The following SNX29 variants were observed in gnomAD, a reference collection of about 807,000 sequenced individuals.
SNX29 encodes sorting nexin 29.
Under a neutral mutation model 102.1 loss-of-function variants are expected in SNX29, and 78 were observed. The observed-to-expected ratio is 0.76, with a 90% CI of 0.64 to 0.92. SNX29 has a LOEUF of 0.92. SNX29 is among the 40% of genes least tolerant of loss of function. The pLI, the probability that SNX29 is intolerant of heterozygous loss-of-function variation, is 0.00. For synonymous variants in SNX29, 580 were observed against 414.5 expected, an observed-to-expected ratio of 1.40 and a Z score of -4.85; for missense variants, 1,280 against 1,061.7, an observed-to-expected ratio of 1.21 and a Z score of -2.86.
At chr16:12,173,609 G>C (rs369493592) in intron 13 of SNX29, among the ~76,000 whole-genome samples, 1 of 152,168 alleles carries the variant, frequency 6.6e-6, no homozygotes, top group African/African-American at 2.4e-5. Context: ...ATCAGGAGAA[G>C]CTTATATCTG....
chr16:12,244,247 C>G (rs1192404623), intron 14 of SNX29, among the ~76,000 whole-genome samples: 1 of 152,168 alleles, frequency 6.6e-6, no homozygotes, highest in Non-Finnish European at 1.5e-5. Context: ...GTTGGAGACC[C>G]CTGCCTTAGG....
chr16:12,364,738 C>G (rs2082411577), intron 16 of SNX29, among the ~76,000 whole-genome samples: 1 of 152,218 alleles, frequency 6.6e-6, no homozygotes, highest in African/African-American at 2.4e-5. Flanking sequence ...TATTTTGGTC[C>G]CACTGGCAAG....
At chr16:12,466,397 C>T (rs923719759) in intron 18 of SNX29, among the ~76,000 whole-genome samples, 1 of 152,094 alleles carries the variant, frequency 6.6e-6, no homozygotes, top group African/African-American at 2.4e-5. Flanking sequence ...TAGAAAAGTC[C>T]CATTTATAAT....
At chr16:12,542,919 G>A (rs1277533079) in intron 20 of SNX29, among the ~76,000 whole-genome samples, 2 of 152,096 alleles carry the variant, frequency 1.3e-5, no homozygotes, top group African/African-American at 2.4e-5. Flanking sequence ...TCTTTGCTTA[G>A]CAAAACTATA....
chr16:12,556,896 C>CGAG (rs1567194399), intron 20 of SNX29, among the ~76,000 whole-genome samples: 20 of 148,416 alleles, frequency 1.3e-4, no homozygotes, highest in African/African-American at 5.0e-4. Context: ...TCTGTCTCCT[C>CGAG]ACCTTGAGTG....
chr16:12,509,815 C>T (rs867990328), intron 19 of SNX29, among the ~76,000 whole-genome samples: 6 of 152,214 alleles, frequency 3.9e-5, no homozygotes, highest in Non-Finnish European at 5.9e-5. Context: ...TGAGTGAATG[C>T]CGTTCCCAGC....
intron 8 of SNX29, chr16:12,053,305 A>T: frequency 6.7e-6 from 1 of 149,816 alleles, no homozygotes; most frequent in Admixed American, 6.6e-5. Flanking sequence ...AAAAAAAAAA[A>T]GTCCCCCAAA....
At chr16:12,524,456 A>T (rs1025567124) in intron 19 of SNX29, among the ~76,000 whole-genome samples, 6 of 151,764 alleles carry the variant, frequency 4.0e-5, no homozygotes, top group Non-Finnish European at 8.8e-5. Flanking sequence ...TCCCATTTGA[A>T]TAGGAACACA....
intron 15 of SNX29, among the ~76,000 whole-genome samples, chr16:12,318,080 C>T (rs951973173): frequency 2.0e-5 from 3 of 152,236 alleles, no homozygotes; most frequent in East Asian, 1.9e-4. Context: ...TCGCTGTCAG[C>T]GGTGCTGTGA....
intron 11 of SNX29, among the ~76,000 whole-genome samples, chr16:12,085,768 TTTTA>T (rs1236432077): frequency 6.6e-6 from 1 of 152,182 alleles, no homozygotes; most frequent in African/African-American, 2.4e-5. Context: ...GCTGAAGCAT[TTTTA>T]TTTATGTTTT....
intron 11 of SNX29, among the ~76,000 whole-genome samples, chr16:12,115,499 G>C (rs570804076): frequency 6.6e-6 from 1 of 151,280 alleles, no homozygotes; most frequent in Non-Finnish European, 1.5e-5. Context: ...GTGTGTGTGT[G>C]TGTGTGTGTG....
intron 20 of SNX29, among the ~76,000 whole-genome samples, chr16:12,544,837 T>C (rs2077513965): frequency 6.6e-6 from 1 of 152,164 alleles, no homozygotes; most frequent in Admixed American, 6.5e-5. Context: ...AAGAACTCCT[T>C]GGGGAAATGC....
At chr16:12,057,539 C>T (rs571698326) in intron 8 of SNX29, among the ~76,000 whole-genome samples, 2 of 152,230 alleles carry the variant, frequency 1.3e-5, no homozygotes, top group South Asian at 2.1e-4. Flanking sequence ...GTTTAGCAGT[C>T]CCAGTGCGAG....
At chr16:12,490,874 T>G (rs547057886) in intron 19 of SNX29, among the ~76,000 whole-genome samples, 1 of 152,346 alleles carries the variant, frequency 6.6e-6, no homozygotes, top group Admixed American at 6.5e-5. Flanking sequence ...CATTTAGAAA[T>G]TAAACACTGT....
chr16:12,229,268 A>G (rs949158746), intron 14 of SNX29, among the ~76,000 whole-genome samples: 28 of 152,366 alleles, frequency 1.8e-4, no homozygotes, highest in African/African-American at 6.7e-4. Context: ...GCACCAGCAT[A>G]GTACCTGGCA....
chr16:12,105,436 G>C (rs990670954), intron 11 of SNX29, among the ~76,000 whole-genome samples: 6 of 151,640 alleles, frequency 4.0e-5, no homozygotes, highest in African/African-American at 1.5e-4. Flanking sequence ...TTACCATGTT[G>C]GCCAGGTAAA....
At chr16:12,118,486 ATT>A (rs2053834756) in intron 11 of SNX29, among the ~76,000 whole-genome samples, 2 of 151,168 alleles carry the variant, frequency 1.3e-5, no homozygotes, top group Non-Finnish European at 2.9e-5. Flanking sequence ...TGCCCGGCTG[ATT>A]TTTGTGTTTT....
At position 12,398,573 on chromosome 16, in the gene SNX29, G is replaced by C. The variant is rs892577767; in HGVS notation, c.1955+72G>C. 7.8e-6 allele frequency: 12 copies of C among 1,539,158 alleles called. No individual in the cohort carries two copies. The African/African-American group carries it at 1.1e-4, about 14-fold the overall frequency. ...TCTGTTGTTGGCTTCTGTCCCAGAA[G>C]ACCACAGGGGGAAACAGAAATCACT... On this transcript the variant is annotated intron_variant, in intron 17 of 20. Transcript: ENST00000566228.
chr16:12,526,689 G>T (rs151077642), intron 20 of SNX29: 1 of 502,080 alleles, frequency 2.0e-6, no homozygotes, highest in Non-Finnish European at 3.8e-6. Context: ...GAATTCCCTG[G>T]TGAAAACTGA....
Sources: gnomAD v4.1 joint callset for allele counts (sites outside exome capture counted in the v4.1 genomes callset) on GRCh38, gnomAD v4.1.1 for gene constraint, MANE v1.5 for transcripts, NCBI Gene and HGNC (gene_info 2026-07-23, HGNC 2026-07-21) for gene names.